The following EPRS1 variants were observed in gnomAD, a reference collection of about 807,000 sequenced individuals.
EPRS1 encodes the protein glutamyl-prolyl-tRNA synthetase 1.
In EPRS1, 107 loss-of-function variants were observed where a neutral mutation model predicts 188.3. That is an observed-to-expected ratio of 0.57 (90% CI 0.49 to 0.67). The LOEUF is 0.67. EPRS1 is among the 30% of genes least tolerant of loss of function. The pLI is 0.00. For missense variants in EPRS1, 1,577 were observed against 1,802.2 expected, an observed-to-expected ratio of 0.88 and a Z score of 2.26; for synonymous variants, 596 against 593.1, an observed-to-expected ratio of 1.00 and a Z score of -0.07.
Position 220,016,436 on chromosome 1 carries a change from A to T in EPRS1, c.1494+2013T>A, listed in dbSNP as rs182665418. Reference sequence around the variant, plus strand: ...TTCTTTTTTTTTTCTTTTGAGACAGAGTCTCACCCTGTCACCCAGGCTGGA... The same window carrying T: ...TTCTTTTTTTTTTCTTTTGAGACAGTGTCTCACCCTGTCACCCAGGCTGGA... On this transcript the variant is annotated intron_variant, in intron 12 of 31. Transcript: ENST00000366923. 3.8e-3 allele frequency among the ~76,000 whole-genome samples: 570 copies of T among 151,268 alleles called. 3 individuals carry two copies. The highest frequency in any genetic ancestry group is 6.8e-3 in the Middle Eastern group (2 of 292).
rs1033827733 is a variant in EPRS1 at position 219,983,992 on chromosome 1, AAATC to A, written c.3090+210_3090+213del. On this transcript the variant is annotated intron_variant, in intron 21 of 31. Transcript: ENST00000366923. Reference sequence around the variant, plus strand: ...TCCCTTTATCTCACCTAAAAAAAAAAAATCAATCACTATCTCATGGTACTGCTTT... The same window carrying A: ...TCCCTTTATCTCACCTAAAAAAAAAAAATCACTATCTCATGGTACTGCTTT... Among the ~76,000 whole-genome samples the A allele has an allele frequency of 4.0e-4, 61 of 152,318 alleles. 1 individual carries two copies. The highest frequency in any genetic ancestry group is 1.4e-3 in the African/African-American group (59 of 41,580).
At chr1:220,014,651 C>A (rs961955540) in intron 12 of EPRS1, among the ~76,000 whole-genome samples, 1 of 152,230 alleles carries the variant, frequency 6.6e-6, no homozygotes, top group Admixed American at 6.5e-5. Flanking sequence ...TGAAGCCCCT[C>A]TGGGAAAACT....
At chr1:219,982,122 G>GA (rs1660911294) in intron 23 of EPRS1, among the ~76,000 whole-genome samples, 1 of 152,130 alleles carries the variant, frequency 6.6e-6, no homozygotes, top group African/African-American at 2.4e-5. Flanking sequence ...TTATACAAAA[G>GA]TATCACTAGA....
chr1:219,989,617 G>C (rs948907706), intron 18 of EPRS1, among the ~76,000 whole-genome samples: 3 of 152,126 alleles, frequency 2.0e-5, no homozygotes, highest in Admixed American at 6.6e-5. Flanking sequence ...AATGAAACCA[G>C]GCAGAAGCCA....
rs1213853335 is a variant in EPRS1, at chr1:220,046,465, A to G, written c.-77T>C. ...TACGGAGGACCCCGCGAAAGGAAGA[A>G]GATGCAACGTGTGCGCGTACCCGAC... On this transcript the variant is annotated 5_prime_UTR_variant, in exon 1 of 32. Coordinates refer to ENST00000366923, the MANE Select transcript of EPRS1 (RefSeq NM_004446.3). The G allele has an allele frequency of 3.1e-6, 5 of 1,587,330 alleles. No individual in the cohort carries two copies. The highest frequency in any genetic ancestry group is 4.3e-6 in the Non-Finnish European group (5 of 1,167,758).
intron 18 of EPRS1, among the ~76,000 whole-genome samples, chr1:219,995,149 A>T (rs1402923252): frequency 1.3e-5 from 2 of 152,224 alleles, no homozygotes; most frequent in Non-Finnish European, 2.9e-5. Flanking sequence ...CATTAGTATT[A>T]AAATACCTAA....
At chr1:219,998,832 C>A (rs1661286528) in intron 17 of EPRS1, among the ~76,000 whole-genome samples, 1 of 151,266 alleles carries the variant, frequency 6.6e-6, no homozygotes, top group Non-Finnish European at 1.5e-5. Flanking sequence ...TAAGCCACTG[C>A]GCCTGGCCTG....
In EPRS1 at chr1:219,982,765, T is replaced by C. The variant is rs370062169; in HGVS notation, c.3373+7A>G. 38 of 1,613,316 alleles carry C rather than the reference T, an allele frequency of 2.4e-5. No individual in the cohort carries two copies. In the African/African-American group the frequency reaches 3.7e-4, roughly 16 times the overall value. On this transcript the variant is annotated splice_region_variant and intron_variant, in intron 23 of 31. Transcript: ENST00000366923. ...GCATTCTCTTGCACTCCAATGCCTATTCTCACCTGTTTCACTAGTAGGACG... is the reference window on the plus strand; with the variant it reads ...GCATTCTCTTGCACTCCAATGCCTACTCTCACCTGTTTCACTAGTAGGACG...
At chr1:220,029,365 A>G (rs1662044609) in intron 6 of EPRS1, among the ~76,000 whole-genome samples, 1 of 152,092 alleles carries the variant, frequency 6.6e-6, no homozygotes, top group South Asian at 2.1e-4. Context: ...CCTTTATTTC[A>G]CCTCCTGAAT....
At chr1:220,035,332 A>C (rs918264415) in intron 2 of EPRS1, among the ~76,000 whole-genome samples, 2 of 151,926 alleles carry the variant, frequency 1.3e-5, no homozygotes, top group Non-Finnish European at 2.9e-5. Context: ...TTGTATTTTT[A>C]GTAGAGACGG....
chr1:219,990,394 T>C (rs747296459), intron 18 of EPRS1, among the ~76,000 whole-genome samples: 10 of 152,182 alleles, frequency 6.6e-5, no homozygotes, highest in Admixed American at 2.0e-4. Context: ...TTGAGAGAAT[T>C]TGAATTATAA....
chr1:220,011,630 A>G (rs1661605875), intron 12 of EPRS1, among the ~76,000 whole-genome samples: 1 of 152,250 alleles, frequency 6.6e-6, no homozygotes, highest in Admixed American at 6.5e-5. Flanking sequence ...ATAGACCAGT[A>G]TATTCTCAGT....
chr1:219,968,681 C>A lies in EPRS1; in HGVS notation c.*125G>T, dbSNP rs1061248. 3 of 881,408 alleles carry A rather than the reference C, an allele frequency of 3.4e-6. No homozygotes were observed. Among genetic ancestry groups the A allele is most frequent in the Non-Finnish European group, 5.2e-6 (3 of 571,578 alleles). The allele number at this position is 881,408 out of a possible 1,614,324, so 54.6% of individuals were successfully genotyped here. ...TAACTTAGGCATAAGAATAATTGTC[C>A]TGTGTGACTTCATTTTAGAACTTTT... is the stretch of plus-strand genomic sequence containing the variant. On this transcript the variant is annotated 3_prime_UTR_variant, in exon 32 of 32. Transcript: ENST00000366923.
chr1:219,982,872 T>C (rs765963834), intron 22 of EPRS1, 28 bp from the exon 23 acceptor site: 20 of 1,592,606 alleles, frequency 1.3e-5, no homozygotes, highest in Admixed American at 3.3e-5. Flanking sequence ...TTTTTCATAC[T>C]TTTTTTTCAA....
Position 220,030,467 on chromosome 1 carries a change from T to G in EPRS1, c.542A>C (p.Lys181Thr). ...TTKARVAPEK[K>T]QDVGKFVELP... ...CTCAACAAATTTCCCAACATCTTGCTTTTTCTCAGGTGCCTGAAAAACACA... is the reference window on the plus strand; with the variant it reads ...CTCAACAAATTTCCCAACATCTTGCGTTTTCTCAGGTGCCTGAAAAACACA... Residue 181 changes from lysine to threonine, a missense_variant, in exon 6 of 32, where the codon AAG becomes ACG. Coordinates refer to ENST00000366923, the MANE Select transcript of EPRS1 (RefSeq NM_004446.3). 1 of 1,613,906 alleles carries G rather than the reference T, an allele frequency of 6.2e-7. No homozygotes were observed. The highest frequency in any genetic ancestry group is 8.5e-7 in the Non-Finnish European group (1 of 1,179,808).
intron 6 of EPRS1, among the ~76,000 whole-genome samples, chr1:220,029,460 G>T (rs143070321): frequency 2.0e-3 from 298 of 152,280 alleles, no homozygotes; most frequent in African/African-American, 6.7e-3. Context: ...AGTTTGTGAA[G>T]AAGTATTAAA....
intron 20 of EPRS1, among the ~76,000 whole-genome samples, chr1:219,985,774 TA>T (rs55977679): frequency 6.6e-6 from 1 of 152,088 alleles, no homozygotes; most frequent in Non-Finnish European, 1.5e-5. Context: ...AGGTCTCCAA[TA>T]AAAAAACTAT....
At chr1:220,010,834 G>T in intron 13 of EPRS1, 112 bp downstream of exon 13, 2 of 638,814 alleles carry the variant, frequency 3.1e-6, no homozygotes, top group African/African-American at 1.9e-5. Context: ...AAGAAAGAAA[G>T]AAAGAAAATC....
chr1:220,022,385 G>A lies in EPRS1; in HGVS notation c.1077C>T (p.Cys359=), dbSNP rs1661894397. The change falls in exon 9 of 32, where the codon TGC becomes TGT. Residue 359 remains cysteine (C), a synonymous_variant. Transcript: ENST00000366923. ...CAGTTCTTGGATGTGGTTGAATTTT[G>A]CAGCGATAAAGGGTTGGATCTCTCA... is the stretch of plus-strand genomic sequence containing the variant. ...GCMRDPTLYR[C]KIQPHPRTGN... is the part of the protein sequence containing the mutation. 6.2e-7 allele frequency: 1 copy of A among 1,613,674 alleles called. No homozygotes were observed. The highest frequency in any genetic ancestry group is 8.5e-7 in the Non-Finnish European group (1 of 1,179,874).
Sources: allele counts gnomAD v4.1 joint callset (sites outside exome capture counted in the v4.1 genomes callset), GRCh38; gene constraint gnomAD v4.1.1; transcripts MANE v1.5; gene names NCBI Gene and HGNC (gene_info 2026-07-23, HGNC 2026-07-21).